The following CEP68 variants were observed in gnomAD, a reference collection of about 807,000 sequenced individuals.
CEP68 encodes the protein centrosomal protein of 68 kDa.
Under a neutral mutation model 55.3 loss-of-function variants are expected in CEP68, and 26 were observed. The ratio of observed to expected loss-of-function variants is 0.47; its 90% CI spans 0.34 to 0.65. The LOEUF is 0.65. CEP68 is among the 30% of genes least tolerant of loss of function. The probability of loss-of-function intolerance (pLI) is 0.01; values close to 1 mark genes in which losing one functional copy is unlikely to be tolerated. For missense variants in CEP68, 957 were observed against 946.7 expected (o/e 1.01, Z -0.14); for synonymous variants, 402 against 383.2 (o/e 1.05, Z -0.57).
Position 65,072,765 on chromosome 2 carries a change from T to C in CEP68, c.1669T>C (p.Cys557Arg), listed in dbSNP as rs1308042409. The C allele has an allele frequency of 3.7e-6, 6 of 1,614,122 alleles. No individual in the cohort carries two copies. In the Admixed American group the frequency reaches 5.0e-5, roughly 13 times the overall value. Residue 557 changes from cysteine to arginine, a missense_variant, in exon 3 of 7, where the codon TGT (cysteine) becomes CGT (arginine). Transcript: ENST00000377990. ...TGGGGATCCTGAGGGCCAGAATCCC[T>C]GTTTCCTGCGCTCCTTCGTCCGTGC... The part of the protein sequence containing the change: ...GSGDPEGQNP[C>R]FLRSFVRAHD...
At chr2:65,068,780 A>T (rs940092301) in intron 1 of CEP68, among the ~76,000 whole-genome samples, 1 of 152,134 alleles carries the variant, frequency 6.6e-6, no homozygotes, top group Admixed American at 6.5e-5. Flanking sequence ...GTGAGCTGAG[A>T]TCATGCCACT....
rs1668961904 is a variant in CEP68, at chr2:65,084,246, A to T, written c.*612A>T. On this transcript the variant is annotated 3_prime_UTR_variant, in exon 7 of 7. Coordinates refer to ENST00000377990, the MANE Select transcript of CEP68 (RefSeq NM_015147.3). ...TGCCATCTTCAGGGCTTACGTCTTT[A>T]CTTTCTTGGCTAACCAGTTTCTTAG... 6.6e-6 allele frequency: 1 copy of T among 152,200 alleles called. No individual in the cohort carries two copies. Among genetic ancestry groups the T allele is most frequent in the Admixed American group, 6.5e-5 (1 of 15,288 alleles). The allele number at this position is 152,200 out of a possible 1,614,324, so 9.4% of individuals were successfully genotyped here.
chr2:65,073,225 T>C (rs1422779009), intron 3 of CEP68: 1 of 548,704 alleles, frequency 1.8e-6, no homozygotes, highest in East Asian at 3.6e-5. Context: ...AGCAAGGGCT[T>C]GAGCCAAGAA....
rs1029662213 is a variant in CEP68, at chr2:65,084,633, T to G, written c.*999T>G. 6.6e-6 allele frequency: 1 copy of G among 152,224 alleles called. No individual in the cohort carries two copies. The highest frequency in any genetic ancestry group is 6.5e-5 in the Admixed American group (1 of 15,284). The allele number at this position is 152,224 out of a possible 1,614,324, so 9.4% of individuals were successfully genotyped here. A position where few individuals can be genotyped will look rare whatever the true frequency, so the allele number is the denominator to read the frequency against. On this transcript the variant is annotated 3_prime_UTR_variant, in exon 7 of 7. Coordinates refer to ENST00000377990, the MANE Select transcript of CEP68 (RefSeq NM_015147.3). ...TGCAGATTCTACAGAAAAGCACTTT[T>G]AAAGTTCTGTTGGGCCATGAATGAA...
chr2:65,082,611 C>G lies in CEP68; in HGVS notation c.2180C>G (p.Ser727Cys). 6.2e-7 allele frequency: 1 copy of G among 1,611,690 alleles called. No homozygotes were observed. The highest frequency in any genetic ancestry group is 1.1e-5 in the South Asian group (1 of 90,854). ...LESHADRLYDSILASLDMLAG... is the reference protein window; with the variant it reads ...LESHADRLYDCILASLDMLAG... Reference sequence around the variant, plus strand: ...AGCCACGCAGATCGCCTGTATGACTCTATCTTGGCCTCTCTGGACATGCTG... The same window carrying G: ...AGCCACGCAGATCGCCTGTATGACTGTATCTTGGCCTCTCTGGACATGCTG... Residue 727 changes from serine to cysteine, a missense_variant, in exon 6 of 7, where the codon TCT (serine) becomes TGT (cysteine). Transcript: ENST00000377990.
intron 1 of CEP68, among the ~76,000 whole-genome samples, chr2:65,066,745 A>AAAAATATATATATATAT (rs70943620): frequency 5.1e-5 from 3 of 58,404 alleles, no homozygotes; most frequent in Admixed American, 1.9e-4. Flanking sequence ...AAAAAAAAAA[A>AAAAATATATATATATAT]ATATATATAT....
intron 1 of CEP68, among the ~76,000 whole-genome samples, chr2:65,058,940 C>A (rs958611841): frequency 2.0e-5 from 3 of 152,100 alleles, no homozygotes; most frequent in Non-Finnish European, 2.9e-5. Context: ...TGCCAAATAG[C>A]AATTTGGCCA....
chr2:65,068,889 G>C (rs1166076722), intron 1 of CEP68, among the ~76,000 whole-genome samples: 1 of 152,196 alleles, frequency 6.6e-6, no homozygotes, highest in Non-Finnish European at 1.5e-5. Flanking sequence ...GCAGAGCCAA[G>C]CATCTTGGAG....
Position 65,074,383 on chromosome 2 carries a change from G to T in CEP68, c.1986G>T (p.Lys662Asn). ...CCAGGTCCAATCTTACAAGTCTCAA[G>T]TCTTCTCTGCAGCTTTACCGGGTAA... is the stretch of plus-strand genomic sequence containing the variant. ...TAARSNLTSL[K>N]SSLQLYRQFK... Residue 662 changes from lysine (K) to asparagine (N), a missense_variant, in exon 4 of 7, where the codon AAG becomes AAT. Lys to Asn is a moderately conservative substitution (Grantham distance 94). Transcript: ENST00000377990. 5.0e-6 allele frequency: 8 copies of T among 1,614,152 alleles called. No homozygotes were observed. The highest frequency in any genetic ancestry group is 6.8e-6 in the Non-Finnish European group (8 of 1,179,994).
intron 4 of CEP68, among the ~76,000 whole-genome samples, chr2:65,076,680 C>G (rs1676777590): frequency 6.6e-6 from 1 of 152,010 alleles, no homozygotes; most frequent in African/African-American, 2.4e-5. Flanking sequence ...CACTACAGTA[C>G]TAGAGAATAA....
chr2:65,083,246 G>T (rs1668918381), intron 6 of CEP68, among the ~76,000 whole-genome samples: 1 of 152,144 alleles, frequency 6.6e-6, no homozygotes, highest in Admixed American at 6.5e-5. Context: ...TTCCAAAAAG[G>T]CTAGGGGGAT....
At chr2:65,059,825 C>T (rs568253815) in intron 1 of CEP68, among the ~76,000 whole-genome samples, 24 of 152,278 alleles carry the variant, frequency 1.6e-4, no homozygotes, top group African/African-American at 5.1e-4. Context: ...GCATTCCCAA[C>T]GAGCTCTGAG....
At chr2:65,077,438 G>C (rs1458671868) in intron 4 of CEP68, among the ~76,000 whole-genome samples, 1 of 152,220 alleles carries the variant, frequency 6.6e-6, no homozygotes, top group Non-Finnish European at 1.5e-5. Context: ...ACAGAGCAAA[G>C]ACATGGAGGG....
chr2:65,068,165 G>A (rs1002258810), intron 1 of CEP68, among the ~76,000 whole-genome samples: 6 of 152,238 alleles, frequency 3.9e-5, no homozygotes, highest in Admixed American at 6.5e-5. Context: ...TCACGGTTCC[G>A]TTACCTCCCC....
chr2:65,065,398 C>T (rs146772101), intron 1 of CEP68, among the ~76,000 whole-genome samples: 2 of 152,210 alleles, frequency 1.3e-5, no homozygotes, highest in Non-Finnish European at 2.9e-5. Flanking sequence ...GAATACAGTA[C>T]TGGTCAGTAA....
intron 2 of CEP68, 161 bp from the exon 3 acceptor site, chr2:65,071,293 A>T (rs1221055186): frequency 3.3e-6 from 2 of 615,352 alleles, no homozygotes; most frequent in Admixed American, 2.9e-5. Flanking sequence ...TGCTGCTGGC[A>T]GTGCATATTG....
At chr2:65,083,288 T>A (rs1312285557) in intron 6 of CEP68, among the ~76,000 whole-genome samples, 2 of 152,212 alleles carry the variant, frequency 1.3e-5, no homozygotes, top group African/African-American at 4.8e-5. Flanking sequence ...GAGACTTAAC[T>A]GGTAGTACAA....
intron 1 of CEP68, among the ~76,000 whole-genome samples, chr2:65,065,776 CT>C (rs1223688370): frequency 1.3e-5 from 2 of 151,904 alleles, no homozygotes; most frequent in Non-Finnish European, 2.9e-5. Context: ...CCAGATCAGC[CT>C]GGCCAACATG....
In CEP68 at chr2:65,077,860, G is replaced by C. The variant is rs200409745; in HGVS notation, c.2008-8G>C. The C allele has an allele frequency of 4.4e-6, 7 of 1,601,604 alleles. No homozygotes were observed. The highest frequency in any genetic ancestry group is 6.0e-6 in the Non-Finnish European group (7 of 1,171,466). On this transcript the variant is annotated splice_region_variant and splice_polypyrimidine_tract_variant and intron_variant, in intron 4 of 6. Transcript: ENST00000377990. ...CTTCTGCCTTTTCTTTTTCTGATAC[G>C]CCTTAAGCAATTTAAGAAAGATATA...
Sources: gnomAD v4.1 joint callset for allele counts (sites outside exome capture counted in the v4.1 genomes callset) on GRCh38, gnomAD v4.1.1 for gene constraint, MANE v1.5 for transcripts, NCBI Gene and HGNC (gene_info 2026-07-23, HGNC 2026-07-21) for gene names.